KIAA1217: variants seen among roughly 807,000 people sequenced by gnomAD.
KIAA1217 encodes the protein KIAA1217.
Under a neutral mutation model 163.9 loss-of-function variants are expected in KIAA1217, and 88 were observed. The observed-to-expected ratio is 0.54, with a 90% CI of 0.45 to 0.64. The LOEUF is 0.64. Ranked by LOEUF, KIAA1217 falls within the 30% of genes least tolerant of loss-of-function variation. KIAA1217 has a pLI of 0.00. For synonymous variants in KIAA1217, 903 were observed against 923.1 expected, an observed-to-expected ratio of 0.98 and a Z score of 0.39; for missense variants, 2,372 against 2,475.0, an observed-to-expected ratio of 0.96 and a Z score of 0.88.
At chr10:24,300,616 G>A (rs1045814399) in intron 2 of KIAA1217, among the ~76,000 whole-genome samples, 8 of 152,134 alleles carry the variant, frequency 5.3e-5, no homozygotes, top group African/African-American at 1.9e-4. Context: ...CACCCAAGCT[G>A]GAGTGCAGTG....
At chr10:23,823,923 G>A (rs1487631887) in intron 1 of KIAA1217, among the ~76,000 whole-genome samples, 1 of 151,682 alleles carries the variant, frequency 6.6e-6, no homozygotes, top group Non-Finnish European at 1.5e-5. Flanking sequence ...GGAGGAAGAA[G>A]AGAGGGGGGG....
chr10:24,426,602 G>A (rs2059191617), intron 3 of KIAA1217, among the ~76,000 whole-genome samples: 1 of 151,926 alleles, frequency 6.6e-6, no homozygotes, highest in South Asian at 2.1e-4. Context: ...TCCAGCTTGG[G>A]CAACAGAGCG....
intron 2 of KIAA1217, among the ~76,000 whole-genome samples, chr10:24,126,512 T>G (rs1177794625): frequency 6.6e-6 from 1 of 152,194 alleles, no homozygotes; most frequent in Non-Finnish European, 1.5e-5. Flanking sequence ...GTTCTTCTCA[T>G]GACAGATTGT....
At chr10:23,760,231 C>T (rs1163665599) in intron 1 of KIAA1217, among the ~76,000 whole-genome samples, 4 of 151,144 alleles carry the variant, frequency 2.6e-5, no homozygotes, top group East Asian at 1.9e-4. Context: ...CCTCATGGAT[C>T]GGGCTCCCTT....
chr10:24,140,773 G>C (rs1003909109), intron 2 of KIAA1217, among the ~76,000 whole-genome samples: 1 of 152,152 alleles, frequency 6.6e-6, no homozygotes, highest in Non-Finnish European at 1.5e-5. Context: ...TCTAAAGGCC[G>C]TGCTTGACAT....
At chr10:24,529,754 C>T (rs1300306344) in intron 14 of KIAA1217, among the ~76,000 whole-genome samples, 1 of 151,970 alleles carries the variant, frequency 6.6e-6, no homozygotes, top group African/African-American at 2.4e-5. Flanking sequence ...CTCTCACAGT[C>T]CCCGTGGAGA....
intron 2 of KIAA1217, among the ~76,000 whole-genome samples, chr10:24,328,511 T>C (rs377689706): frequency 1.6e-4 from 23 of 145,494 alleles, no homozygotes; most frequent in Middle Eastern, 3.5e-3. Flanking sequence ...TTTTTTTTTT[T>C]CAAAAGAAAC....
chr10:23,886,022 C>T (rs530949778), intron 1 of KIAA1217, among the ~76,000 whole-genome samples: 11 of 152,000 alleles, frequency 7.2e-5, no homozygotes, highest in Admixed American at 2.6e-4. Context: ...GGTGCTGGCT[C>T]TTTGAAACGT....
At chr10:24,220,446 C>A (rs201037323) in intron 2 of KIAA1217, among the ~76,000 whole-genome samples, 2 of 103,086 alleles carry the variant, frequency 1.9e-5, no homozygotes, top group Non-Finnish European at 3.6e-5. Context: ...TTCTGCTCTT[C>A]TTTTTTTTTT....
At chr10:24,252,120 G>C (rs2074621703) in intron 2 of KIAA1217, among the ~76,000 whole-genome samples, 2 of 152,130 alleles carry the variant, frequency 1.3e-5, no homozygotes, top group South Asian at 4.1e-4. Flanking sequence ...TAGTTTTATG[G>C]AGGAGGAATC....
chr10:24,272,619 C>A (rs775973050), intron 2 of KIAA1217, among the ~76,000 whole-genome samples: 3 of 152,220 alleles, frequency 2.0e-5, no homozygotes, highest in Non-Finnish European at 4.4e-5. Context: ...AGCCACATTC[C>A]AGCCAAATTG....
chr10:23,736,760 A>C (rs1838831091), intron 1 of KIAA1217, among the ~76,000 whole-genome samples: 1 of 152,148 alleles, frequency 6.6e-6, no homozygotes, highest in Non-Finnish European at 1.5e-5. Context: ...TCCTGGCCTC[A>C]AGCAATCCTT....
Position 24,531,999 on chromosome 10 carries a change from A to G in KIAA1217, c.3246+6A>G, listed in dbSNP as rs779594144. Reference sequence around the variant, plus strand: ...AGGAGAACATCACCGCTAAGGTCTGATAGGCTAAGCCCTGGTAAACTGGCC... The same window carrying G: ...AGGAGAACATCACCGCTAAGGTCTGGTAGGCTAAGCCCTGGTAAACTGGCC... On this transcript the variant is annotated splice_donor_region_variant and intron_variant, in intron 15 of 20. Transcript: ENST00000376454. The G allele has an allele frequency of 2.0e-6, 3 of 1,535,232 alleles. No individual in the cohort carries two copies. In the Admixed American group the frequency reaches 5.6e-5, roughly 29 times the overall value.
At chr10:23,801,074 C>A (rs1391974604) in intron 1 of KIAA1217, among the ~76,000 whole-genome samples, 3 of 152,098 alleles carry the variant, frequency 2.0e-5, no homozygotes, top group Admixed American at 1.3e-4. Flanking sequence ...TGGAACCAAC[C>A]CAAATGCCCA....
At chr10:24,387,505 GC>G (rs1305754694) in intron 3 of KIAA1217, among the ~76,000 whole-genome samples, 12 of 152,330 alleles carry the variant, frequency 7.9e-5, no homozygotes, top group African/African-American at 2.9e-4. Flanking sequence ...AGACAGGGAT[GC>G]CCTTTCTCAC....
intron 1 of KIAA1217, among the ~76,000 whole-genome samples, chr10:23,934,575 A>ATGTGTGTGTGTGTGTGTGTG (rs1420302818): frequency 3.0e-5 from 2 of 65,968 alleles, no homozygotes; most frequent in Admixed American, 1.6e-4. Flanking sequence ...ATATATATAT[A>ATGTGTGTGTGTGTGTGTGTG]TATATATATA....
chr10:24,051,846 G>T (rs933484552), intron 2 of KIAA1217, among the ~76,000 whole-genome samples: 2 of 152,066 alleles, frequency 1.3e-5, no homozygotes, highest in African/African-American at 2.4e-5. Context: ...GTAGATTCTG[G>T]ATATCAGTCC....
chr10:23,842,018 C>G (rs1838811177), intron 1 of KIAA1217, among the ~76,000 whole-genome samples: 1 of 152,022 alleles, frequency 6.6e-6, no homozygotes, highest in Non-Finnish European at 1.5e-5. Context: ...CAGGCACGTG[C>G]TACCACACTT....
intron 2 of KIAA1217, among the ~76,000 whole-genome samples, chr10:24,106,945 T>C (rs1589521731): frequency 6.6e-6 from 1 of 152,128 alleles, no homozygotes; most frequent in East Asian, 1.9e-4. Context: ...CTAAATTGCA[T>C]GTCATGGGGG....
Sources: gnomAD v4.1 joint callset for allele counts (sites outside exome capture counted in the v4.1 genomes callset) on GRCh38, gnomAD v4.1.1 for gene constraint, MANE v1.5 for transcripts, NCBI Gene and HGNC (gene_info 2026-07-23, HGNC 2026-07-21) for gene names.